The following COL8A1 variants were observed in gnomAD, a reference collection of about 807,000 sequenced individuals.
The protein encoded by COL8A1 is collagen alpha-1(VIII) chain.
In COL8A1, 21 loss-of-function variants were observed where a neutral mutation model predicts 42.7. The observed-to-expected ratio is 0.49, with a 90% CI of 0.35 to 0.71. COL8A1 has a LOEUF of 0.71. Among genes scored for constraint, COL8A1 ranks in the 30% least tolerant of loss-of-function variants. The pLI is 0.01. For synonymous variants in COL8A1, 367 were observed against 369.1 expected (o/e 0.99, Z 0.06); for missense variants, 788 against 962.4 (o/e 0.82, Z 2.40).
chr3:99,784,851 A>C (rs1309857605), intron 2 of COL8A1, among the ~76,000 whole-genome samples: 1 of 152,168 alleles, frequency 6.6e-6, no homozygotes, highest in Non-Finnish European at 1.5e-5. Flanking sequence ...TGAGTTACTT[A>C]CCTGAGGGTC....
chr3:99,795,760 C>G lies in COL8A1; in HGVS notation c.1859C>G (p.Ala620Gly). ...GCCTATGAGATGCCTGCATTTACCGCCGAGCTAACCGCACCTTTCCCACCG... is the reference window on the plus strand; with the variant it reads ...GCCTATGAGATGCCTGCATTTACCGGCGAGCTAACCGCACCTTTCCCACCG... Reference protein sequence around the residue: ...GPAYEMPAFTAELTAPFPPVG... With the variant: ...GPAYEMPAFTGELTAPFPPVG... Residue 620 changes from alanine (A) to glycine (G), a missense_variant, in exon 4 of 4, where the codon GCC becomes GGC. By Grantham distance (60) the Ala-to-Gly change is moderately conservative. Around this residue, in one of 4 missense-constraint regions of COL8A1, gnomAD observed 212 missense variants for 210.9 expected, o/e 1.00. Coordinates refer to ENST00000652472, the MANE Select transcript of COL8A1 (RefSeq NM_020351.4). The G allele has an allele frequency of 6.2e-7, 1 of 1,614,108 alleles. No individual in the cohort carries two copies.
chr3:99,678,947 T>G (rs1215996900), intron 1 of COL8A1: 2 of 152,198 alleles, frequency 1.3e-5, no homozygotes, highest in African/African-American at 4.8e-5. Flanking sequence ...GTCCTATATA[T>G]TGAGGGATGA....
intron 1 of COL8A1, among the ~76,000 whole-genome samples, chr3:99,737,985 A>G (rs891639343): frequency 5.9e-5 from 9 of 151,506 alleles, no homozygotes; most frequent in Admixed American, 1.3e-4. Flanking sequence ...TTCATCTTCC[A>G]TTGCTGATAC....
chr3:99,706,287 T>C (rs1939678984), intron 1 of COL8A1, among the ~76,000 whole-genome samples: 1 of 152,216 alleles, frequency 6.6e-6, no homozygotes, highest in Admixed American at 6.5e-5. Flanking sequence ...GTTCAGGTCT[T>C]CTATTTTCCT....
intron 2 of COL8A1, among the ~76,000 whole-genome samples, chr3:99,773,505 T>G (rs1461596498): frequency 6.6e-6 from 1 of 152,146 alleles, no homozygotes; most frequent in African/African-American, 2.4e-5. Context: ...TCTATTCATG[T>G]AGAATCTTTA....
Position 99,794,466 on chromosome 3 carries a change from C to T in COL8A1, c.565C>T (p.Pro189Ser). 6.2e-7 allele frequency: 1 copy of T among 1,614,058 alleles called. No individual in the cohort carries two copies. Among genetic ancestry groups the T allele is most frequent in the Non-Finnish European group, 8.5e-7 (1 of 1,179,976 alleles). Residue 189 changes from proline (P) to serine (S), a missense_variant, in exon 4 of 4, where the codon CCT becomes TCT. Transcript: ENST00000652472. The surrounding 1 kb of genome is among the most constrained non-coding windows in gnomAD (Gnocchi z 4.3). The part of the protein sequence containing the change: ...GEIGQKGEIG[P>S]MGIPGPQGPP... The stretch of plus-strand genomic sequence containing the variant: ...AATTGGACAGAAAGGGGAAATTGGG[C>T]CTATGGGGATCCCAGGACCACAAGG...
At chr3:99,734,507 A>G (rs1166821483) in intron 1 of COL8A1, among the ~76,000 whole-genome samples, 3 of 151,768 alleles carry the variant, frequency 2.0e-5, no homozygotes, top group Non-Finnish European at 1.5e-5. Flanking sequence ...CCATTGAACT[A>G]TATCTCTGTT....
chr3:99,639,346 T>C lies in COL8A1; in HGVS notation c.-129+682T>C, dbSNP rs1937457414. Among the ~76,000 whole-genome samples, 4 of 152,174 alleles carry C rather than the reference T, an allele frequency of 2.6e-5. 1 individual carries two copies. In the South Asian group the frequency reaches 8.3e-4, roughly 31 times the overall value. On this transcript the variant is annotated intron_variant, in intron 1 of 3. Transcript: ENST00000652472. ...ATTACGATGGAACTAAGAAAGTGTATAAAAGAACTTCATGAATTTCTGTAC... is the reference window on the plus strand; with the variant it reads ...ATTACGATGGAACTAAGAAAGTGTACAAAAGAACTTCATGAATTTCTGTAC...
intron 1 of COL8A1, among the ~76,000 whole-genome samples, chr3:99,657,210 G>T (rs182770289): frequency 5.3e-5 from 8 of 152,286 alleles, no homozygotes; most frequent in Admixed American, 4.6e-4. Context: ...TAAAATTGAT[G>T]ATCGCATCCC....
chr3:99,706,512 G>A (rs13074107), intron 1 of COL8A1, among the ~76,000 whole-genome samples: 11,755 of 152,216 alleles, frequency 0.077, 569 homozygotes, highest in Middle Eastern at 0.11. Context: ...CCTAAAAAGA[G>A]TTCCAGCACT....
At chr3:99,793,357 C>T (rs893353360) in intron 3 of COL8A1, among the ~76,000 whole-genome samples, 8 of 151,992 alleles carry the variant, frequency 5.3e-5, no homozygotes, top group Non-Finnish European at 7.4e-5. Flanking sequence ...ACATTGTATT[C>T]ATGAATCATA....
rs71299386 is a variant in COL8A1 at position 99,669,147 on chromosome 3, AGAGG to A, written c.-129+30487_-129+30490del. Reference sequence around the variant, plus strand: ...ATTATATATATATATATATATATATAGAGGGAGAGAGAGAGAGAGAGAGAGAGAG... The same window carrying A: ...ATTATATATATATATATATATATATAGAGAGAGAGAGAGAGAGAGAGAGAG... On this transcript the variant is annotated intron_variant, in intron 1 of 3. Transcript: ENST00000652472. 1.2e-4 allele frequency among the ~76,000 whole-genome samples: 13 copies of A among 107,832 alleles called. 1 individual carries two copies. Among genetic ancestry groups the A allele is most frequent in the Non-Finnish European group, 2.0e-4 (10 of 50,666 alleles). 70.7% of individuals were successfully genotyped at this position (107,832 alleles called of 152,430 possible).
intron 1 of COL8A1, among the ~76,000 whole-genome samples, chr3:99,690,753 C>A (rs1939194375): frequency 6.6e-6 from 1 of 152,162 alleles, no homozygotes; most frequent in African/African-American, 2.4e-5. Context: ...TTTGTTGTAG[C>A]TGATATCACC....
At chr3:99,649,674 C>T (rs953178319) in intron 1 of COL8A1, among the ~76,000 whole-genome samples, 5 of 152,088 alleles carry the variant, frequency 3.3e-5, no homozygotes, top group Admixed American at 6.5e-5. Flanking sequence ...CCCAGTCTTC[C>T]GTGTGGTTTT....
chr3:99,681,078 G>A (rs1483149596), intron 1 of COL8A1, among the ~76,000 whole-genome samples: 1 of 152,088 alleles, frequency 6.6e-6, no homozygotes, highest in Non-Finnish European at 1.5e-5. Context: ...CATAGGCATG[G>A]GCAAGGACTT....
chr3:99,721,620 TAGA>T lies in COL8A1; in HGVS notation c.-128-23269_-128-23267del, dbSNP rs1330083607. Among the ~76,000 whole-genome samples, 4 of 152,100 alleles carry T rather than the reference TAGA, an allele frequency of 2.6e-5. No homozygotes were observed. In the East Asian group the frequency reaches 7.7e-4, roughly 29 times the overall value. The stretch of plus-strand genomic sequence containing the variant: ...AAATAAAATGCTTATACAGTTGTAA[TAGA>T]AGAAGAATGGCTTAAATTTTATAAC... On this transcript the variant is annotated intron_variant, in intron 1 of 3. Coordinates refer to ENST00000652472, the MANE Select transcript of COL8A1 (RefSeq NM_020351.4).
chr3:99,739,600 T>A (rs1940839932), intron 1 of COL8A1, among the ~76,000 whole-genome samples: 1 of 152,088 alleles, frequency 6.6e-6, no homozygotes, highest in Non-Finnish European at 1.5e-5. Flanking sequence ...CTGCCAAAGC[T>A]TGGGGTTTGC....
intron 1 of COL8A1, among the ~76,000 whole-genome samples, chr3:99,685,086 T>G (rs184108121): frequency 6.1e-4 from 93 of 152,312 alleles, no homozygotes; most frequent in Admixed American, 4.1e-3. Context: ...GGAATAAATT[T>G]ATTCTTAATA....
chr3:99,782,493 G>A (rs1363864540), intron 2 of COL8A1, among the ~76,000 whole-genome samples: 1 of 152,100 alleles, frequency 6.6e-6, no homozygotes, highest in Non-Finnish European at 1.5e-5. Flanking sequence ...CTGGGTTCAA[G>A]CAATTCTCCT....
Sources: gnomAD v4.1 joint callset for allele counts (sites outside exome capture counted in the v4.1 genomes callset) on GRCh38, gnomAD v4.1.1 for gene constraint, gnomAD v4.1.1 regional missense constraint, Gnocchi (gnomAD v3.1) non-coding constraint, MANE v1.5 for transcripts, NCBI Gene and HGNC (gene_info 2026-07-23, HGNC 2026-07-21) for gene names.